COL18A1: variants seen among roughly 807,000 people sequenced by gnomAD.
The protein encoded by COL18A1 is collagen type XVIII alpha 1 chain.
COL18A1 carries 133 observed loss-of-function variants against 168.0 expected under a neutral mutation model. The observed-to-expected ratio is 0.79, with a 90% CI of 0.69 to 0.91. COL18A1 has a LOEUF of 0.91. Ranked by LOEUF, COL18A1 falls within the 40% of genes least tolerant of loss-of-function variation. The probability of loss-of-function intolerance (pLI) is 0.00; values close to 1 mark genes in which losing one functional copy is unlikely to be tolerated. For synonymous variants in COL18A1, 949 were observed against 809.0 expected, an observed-to-expected ratio of 1.17 and a Z score of -2.94; for missense variants, 2,126 against 1,925.4, an observed-to-expected ratio of 1.10 and a Z score of -1.95.
chr21:45,505,903 C>T lies in COL18A1; in HGVS notation c.3153C>T (p.Leu1051=), dbSNP rs764656377. ...GQVHEVPEGW[L]IFVAEQEELY... ...TGCACGAGGTTCCCGAGGGCTGGCT[C>T]ATCTTCGTGGCCGAGCAGGAGGAGC... The change falls in exon 37 of 42, where the codon CTC becomes CTT. Residue 1051 remains leucine, a synonymous_variant. Coordinates refer to ENST00000651438, the MANE Select transcript of COL18A1 (RefSeq NM_001379500.1). 17 of 1,612,948 alleles carry T rather than the reference C, an allele frequency of 1.1e-5. No homozygotes were observed. Among genetic ancestry groups the T allele is most frequent in the African/African-American group, 4.0e-5 (3 of 74,932 alleles).
chr21:45,409,117 C>T (rs1422963935), intron 2 of COL18A1, among the ~76,000 whole-genome samples: 1 of 151,776 alleles, frequency 6.6e-6, no homozygotes, highest in African/African-American at 2.4e-5. Flanking sequence ...AGAGAAGGGG[C>T]CACCCCAGTG....
At chr21:45,458,869 G>A (rs1258320799) in intron 2 of COL18A1, among the ~76,000 whole-genome samples, 1 of 152,200 alleles carries the variant, frequency 6.6e-6, no homozygotes, top group Non-Finnish European at 1.5e-5. Context: ...TCAGCCTCAG[G>A]GAAGGTGCCG....
intron 32 of COL18A1, 184 bp from the exon 33 acceptor site, chr21:45,503,826 AG>A (rs2037016543): frequency 2.4e-6 from 1 of 421,862 alleles, no homozygotes; most frequent in South Asian, 6.3e-5. Flanking sequence ...AAAAATAAAA[AG>A]GCACCATTAA....
At chr21:45,438,166 G>C (rs1403530306) in intron 2 of COL18A1, among the ~76,000 whole-genome samples, 1 of 96,856 alleles carries the variant, frequency 1.0e-5, no homozygotes, top group Non-Finnish European at 1.9e-5. Flanking sequence ...GCACTCTCCT[G>C]CATACACACA....
chr21:45,418,263 C>G (rs758127081), intron 2 of COL18A1, among the ~76,000 whole-genome samples: 1 of 152,218 alleles, frequency 6.6e-6, no homozygotes, highest in African/African-American at 2.4e-5. Context: ...GTCTGCATCC[C>G]GGCCCCCGGC....
intron 2 of COL18A1, among the ~76,000 whole-genome samples, chr21:45,438,171 C>T (rs2034250984): frequency 7.8e-6 from 1 of 127,594 alleles, no homozygotes; most frequent in Admixed American, 7.4e-5. Context: ...CTCCTGCATA[C>T]ACACACTCAC....
intron 32 of COL18A1, among the ~76,000 whole-genome samples, chr21:45,499,866 C>T (rs1247609400): frequency 6.6e-6 from 1 of 152,222 alleles, no homozygotes; most frequent in Non-Finnish European, 1.5e-5. Context: ...GAATGCAGAA[C>T]ACGTGGGATG....
At chr21:45,461,417 C>T (rs1165137617) in intron 2 of COL18A1, among the ~76,000 whole-genome samples, 2 of 151,922 alleles carry the variant, frequency 1.3e-5, no homozygotes, top group African/African-American at 4.8e-5. Flanking sequence ...TGCCCCATTG[C>T]ACCCCACTCT....
Position 45,498,530 on chromosome 21 carries a change from C to T in COL18A1, c.2683+869C>T. On this transcript the variant is annotated intron_variant, in intron 32 of 41. Coordinates refer to ENST00000651438, the MANE Select transcript of COL18A1 (RefSeq NM_001379500.1). The surrounding 1 kb of genome is among the most constrained non-coding windows in gnomAD (Gnocchi z 4.5). The stretch of plus-strand genomic sequence containing the variant: ...GTCCTCTGCAGAGGAGGCCGCCATA[C>T]CTGCTCTTGCTGGGGCTGCACTCTG... 1.4e-6 allele frequency: 1 copy of T among 716,724 alleles called. No homozygotes were observed. Among genetic ancestry groups the T allele is most frequent in the Non-Finnish European group, 2.6e-6 (1 of 385,052 alleles). 44.4% of individuals were successfully genotyped at this position (716,724 alleles called of 1,614,324 possible).
intron 2 of COL18A1, among the ~76,000 whole-genome samples, chr21:45,442,267 T>C (rs1303375664): frequency 6.6e-6 from 1 of 152,224 alleles, no homozygotes; most frequent in Non-Finnish European, 1.5e-5. Context: ...TGCCTTGCTT[T>C]TTCTCCTTTA....
At chr21:45,456,931 G>T in intron 2 of COL18A1, 1 of 1,352,078 alleles carries the variant, frequency 7.4e-7, no homozygotes, top group African/African-American at 1.5e-5. Context: ...GCCTTGCCAG[G>T]TAAGTGTGGG....
intron 2 of COL18A1, among the ~76,000 whole-genome samples, chr21:45,437,372 TCAGA>T (rs1460263083): frequency 0.02 from 410 of 20,274 alleles, 44 homozygotes; most frequent in African/African-American, 0.083. Context: ...ACACACACAC[TCAGA>T]CACACAGGCA....
chr21:45,468,389 C>A lies in COL18A1; in HGVS notation c.254C>A (p.Pro85His). The A allele has an allele frequency of 1.2e-6, 2 of 1,614,008 alleles. No individual in the cohort carries two copies. Among genetic ancestry groups the A allele is most frequent in the Non-Finnish European group, 1.7e-6 (2 of 1,180,052 alleles). ...NSGQVARYHFPSLFFRDFSLL... is the reference protein window; with the variant it reads ...NSGQVARYHFHSLFFRDFSLL... Reference sequence around the variant, plus strand: ...GGCCAAGTGGCCCGGTACCACTTCCCCAGCCTCTTCTTCCGTGACTTCTCA... The same window carrying A: ...GGCCAAGTGGCCCGGTACCACTTCCACAGCCTCTTCTTCCGTGACTTCTCA... The change falls in exon 3 of 42, where the codon CCC becomes CAC. Residue 85 changes from proline (P) to histidine (H), a missense_variant. Transcript: ENST00000651438.
At chr21:45,480,206 A>G in intron 11 of COL18A1, 50 bp downstream of exon 11, 1 of 1,202,568 alleles carries the variant, frequency 8.3e-7, no homozygotes, top group Non-Finnish European at 1.2e-6. Flanking sequence ...CCTCCTCAAA[A>G]GCAGGCACTG....
intron 2 of COL18A1, among the ~76,000 whole-genome samples, chr21:45,440,488 G>A (rs2034339413): frequency 6.6e-6 from 1 of 152,180 alleles, no homozygotes; most frequent in Non-Finnish European, 1.5e-5. Flanking sequence ...GGGGCCTGCT[G>A]GGGTTTGAGC....
At position 45,510,186 on chromosome 21, in the gene COL18A1, G is replaced by A. The variant is rs2037494253; in HGVS notation, c.3618G>A (p.Leu1206=). The stretch of plus-strand genomic sequence containing the variant: ...TGGCGGGCACCTTCCGCGCCTTCCT[G>A]TCCTCGCGCCTGCAGGACCTGTACA... ...VGLAGTFRAF[L]SSRLQDLYSI... is the part of the protein sequence containing the mutation. Residue 1206 remains leucine (L), a synonymous_variant, in exon 40 of 42, where the codon CTG becomes CTA. Coordinates refer to ENST00000651438, the MANE Select transcript of COL18A1 (RefSeq NM_001379500.1). 3.8e-6 allele frequency: 6 copies of A among 1,598,496 alleles called. No homozygotes were observed. Among genetic ancestry groups the A allele is most frequent in the Non-Finnish European group, 5.1e-6 (6 of 1,173,548 alleles).
chr21:45,453,738 G>T (rs1055422494), intron 2 of COL18A1, among the ~76,000 whole-genome samples: 1 of 152,156 alleles, frequency 6.6e-6, no homozygotes, highest in African/African-American at 2.4e-5. Flanking sequence ...CAGATGGCAG[G>T]GTGGGTGCTC....
chr21:45,510,493 C>G (rs950338586), intron 40 of COL18A1, among the ~76,000 whole-genome samples: 1 of 152,048 alleles, frequency 6.6e-6, no homozygotes, highest in Non-Finnish European at 1.5e-5. Flanking sequence ...TCCCATGAGG[C>G]CCCCCCGTGG....
At position 45,457,183 on chromosome 21, in the gene COL18A1, A is replaced by G. The variant is rs2034862497; in HGVS notation, c.107-11059A>G. 1.3e-5 allele frequency among the ~76,000 whole-genome samples: 2 copies of G among 152,186 alleles called. No individual in the cohort carries two copies. Among genetic ancestry groups the G allele is most frequent in the Non-Finnish European group, 2.9e-5 (2 of 68,032 alleles). ...CAGCACGGTCCCGAGATACCCTGCCATGCCCCGAGTCACAGAGGGGAAACT... is the reference window on the plus strand; with the variant it reads ...CAGCACGGTCCCGAGATACCCTGCCGTGCCCCGAGTCACAGAGGGGAAACT... On this transcript the variant is annotated intron_variant, in intron 2 of 41. Transcript: ENST00000651438. The surrounding 1 kb of genome is among the most constrained non-coding windows in gnomAD (Gnocchi z 4.6).
Sources: gnomAD v4.1 joint callset for allele counts (sites outside exome capture counted in the v4.1 genomes callset) on GRCh38, gnomAD v4.1.1 for gene constraint, Gnocchi (gnomAD v3.1) non-coding constraint, MANE v1.5 for transcripts, NCBI Gene and HGNC (gene_info 2026-07-23, HGNC 2026-07-21) for gene names.